ARHGEF3: variants seen among roughly 807,000 people sequenced by gnomAD.
ARHGEF3 encodes Rho guanine nucleotide exchange factor 3.
Under a neutral mutation model 63.2 loss-of-function variants are expected in ARHGEF3, and 28 were observed. The observed-to-expected ratio is 0.44, with a 90% CI of 0.33 to 0.61. The LOEUF is 0.61. Ranked by LOEUF, ARHGEF3 falls within the 20% of genes least tolerant of loss-of-function variation. The pLI, the probability that ARHGEF3 is intolerant of heterozygous loss-of-function variation, is 0.03. For synonymous variants in ARHGEF3, 266 were observed against 254.2 expected, an observed-to-expected ratio of 1.05 and a Z score of -0.44; for missense variants, 533 against 659.3, an observed-to-expected ratio of 0.81 and a Z score of 2.10.
At position 56,832,633 on chromosome 3, in the gene ARHGEF3, A is replaced by T. The variant is rs1041684962; in HGVS notation, c.192+49659T>A. On this transcript the variant is annotated intron_variant, in intron 4 of 12. Transcript: ENST00000338458. ...TGAGATAAAATTTATATAACATAAA[A>T]TTTACCATTTTAACTATTTTAAAGC... 3.9e-5 allele frequency among the ~76,000 whole-genome samples: 6 copies of T among 152,210 alleles called. No individual in the cohort carries two copies. The East Asian group carries it at 1.2e-3, about 29-fold the overall frequency.
intron 2 of ARHGEF3, among the ~76,000 whole-genome samples, chr3:56,965,810 G>C (rs1282754671): frequency 6.6e-6 from 1 of 151,828 alleles, no homozygotes; most frequent in Non-Finnish European, 1.5e-5. Context: ...CACCACGCTT[G>C]GCTAATTTTT....
At chr3:57,032,219 G>T (rs1404616834) in intron 2 of ARHGEF3, among the ~76,000 whole-genome samples, 1 of 152,158 alleles carries the variant, frequency 6.6e-6, no homozygotes, top group Non-Finnish European at 1.5e-5. Context: ...TTTTGGATGG[G>T]CATGGGTGAG....
At chr3:56,992,696 T>C (rs1186051173) in intron 2 of ARHGEF3, among the ~76,000 whole-genome samples, 1 of 152,208 alleles carries the variant, frequency 6.6e-6, no homozygotes, top group Non-Finnish European at 1.5e-5. Context: ...TCTGTGAACA[T>C]GAGCTGCTCA....
intron 4 of ARHGEF3, among the ~76,000 whole-genome samples, chr3:56,853,337 A>G (rs1474809204): frequency 1.3e-5 from 2 of 152,074 alleles, no homozygotes; most frequent in African/African-American, 4.8e-5. Context: ...TTTATTTATT[A>G]TTTTTATTAT....
chr3:56,967,440 TATTA>T (rs1700580849), intron 2 of ARHGEF3, among the ~76,000 whole-genome samples: 2 of 75,732 alleles, frequency 2.6e-5, no homozygotes, highest in Non-Finnish European at 4.4e-5. Context: ...TTATATAATA[TATTA>T]TATATTATAC....
chr3:57,028,699 AAAAT>A (rs796421267), intron 2 of ARHGEF3, among the ~76,000 whole-genome samples: 2 of 148,730 alleles, frequency 1.3e-5, no homozygotes, highest in Non-Finnish European at 3.0e-5. Flanking sequence ...TAATAAAAAA[AAAAT>A]AAATAAATAA....
At chr3:56,982,348 GA>G (rs1279883364) in intron 2 of ARHGEF3, among the ~76,000 whole-genome samples, 4 of 151,994 alleles carry the variant, frequency 2.6e-5, no homozygotes, top group Admixed American at 6.5e-5. Flanking sequence ...GTTCATTAAA[GA>G]AAGCATCAAA....
chr3:57,018,964 G>A (rs915623226), intron 2 of ARHGEF3, among the ~76,000 whole-genome samples: 3 of 151,824 alleles, frequency 2.0e-5, no homozygotes, highest in Non-Finnish European at 4.4e-5. Flanking sequence ...GCCATCTCTC[G>A]CAGAATTTCA....
chr3:56,793,314 T>C (rs1013007228), intron 1 of ARHGEF3, among the ~76,000 whole-genome samples: 4 of 152,028 alleles, frequency 2.6e-5, no homozygotes, highest in Non-Finnish European at 4.4e-5. Flanking sequence ...GGGCTACAGG[T>C]GCCCGCCACC....
At chr3:56,867,854 T>C (rs1243536740) in intron 4 of ARHGEF3, among the ~76,000 whole-genome samples, 2 of 152,098 alleles carry the variant, frequency 1.3e-5, no homozygotes, top group African/African-American at 2.4e-5. Flanking sequence ...GAAGACCAGG[T>C]TGGAGGCCCT....
intron 2 of ARHGEF3, chr3:57,007,212 G>C: frequency 2.3e-6 from 3 of 1,288,618 alleles, no homozygotes; most frequent in Non-Finnish European, 3.0e-6. Context: ...GGAATCTTAG[G>C]AGTCGAAGGT....
In ARHGEF3 at chr3:56,828,037, G is replaced by GA. The variant is rs200910646; in HGVS notation, c.193-54222dup. Among the ~76,000 whole-genome samples, 26 of 146,644 alleles carry GA rather than the reference G, an allele frequency of 1.8e-4. No homozygotes were observed. The South Asian group carries it at 3.3e-3, about 18-fold the overall frequency. Reference sequence around the variant, plus strand: ...CCAAGATATACGTGAAGTACACCAGGAAAAAAAAAATTCAACATTGCTATA... The same window carrying GA: ...CCAAGATATACGTGAAGTACACCAGGAAAAAAAAAAATTCAACATTGCTATA... On this transcript the variant is annotated intron_variant, in intron 4 of 12. Coordinates refer to the ARHGEF3 transcript ENST00000338458.
intron 1 of ARHGEF3, among the ~76,000 whole-genome samples, chr3:57,038,959 C>T (rs1414116901): frequency 6.6e-6 from 1 of 152,230 alleles, no homozygotes; most frequent in Non-Finnish European, 1.5e-5. Flanking sequence ...TGATGAACAG[C>T]ATGGGCTTTT....
chr3:57,035,627 G>A (rs1349535832), intron 1 of ARHGEF3, among the ~76,000 whole-genome samples: 1 of 152,246 alleles, frequency 6.6e-6, no homozygotes, highest in African/African-American at 2.4e-5. Context: ...GGGATTACAG[G>A]CGTAAGCCAC....
At chr3:57,004,169 G>A (rs563514265) in intron 2 of ARHGEF3, among the ~76,000 whole-genome samples, 17 of 152,262 alleles carry the variant, frequency 1.1e-4, no homozygotes, top group African/African-American at 3.4e-4. Context: ...GAAGGTGTTC[G>A]GTCCACACAC....
intron 2 of ARHGEF3, among the ~76,000 whole-genome samples, chr3:56,964,138 G>A (rs1369950026): frequency 6.6e-6 from 1 of 152,070 alleles, no homozygotes; most frequent in African/African-American, 2.4e-5. Context: ...GATCACCTGA[G>A]GTCAGGAGTT....
intron 4 of ARHGEF3, among the ~76,000 whole-genome samples, chr3:56,868,891 GT>G (rs1279413193): frequency 3.9e-5 from 6 of 152,142 alleles, no homozygotes; most frequent in African/African-American, 2.4e-5. Flanking sequence ...GCTTCTTTCA[GT>G]GGCCCGTGTA....
chr3:56,929,409 G>C (rs1033473198), intron 3 of ARHGEF3, among the ~76,000 whole-genome samples: 1 of 152,214 alleles, frequency 6.6e-6, no homozygotes, highest in Non-Finnish European at 1.5e-5. Context: ...TGAGTCGACA[G>C]TATCTGCAAC....
intron 3 of ARHGEF3, among the ~76,000 whole-genome samples, chr3:56,897,098 G>A (rs1326847312): frequency 6.6e-6 from 1 of 152,196 alleles, no homozygotes; most frequent in African/African-American, 2.4e-5. Flanking sequence ...CTGGAGGGAA[G>A]AGCTTTCCAT....
Sources: gnomAD v4.1 joint callset for allele counts (sites outside exome capture counted in the v4.1 genomes callset) on GRCh38, gnomAD v4.1.1 for gene constraint, MANE v1.5 for transcripts, NCBI Gene and HGNC (gene_info 2026-07-23, HGNC 2026-07-21) for gene names.